The following ADAMTS16 variants were observed in gnomAD, a reference collection of about 807,000 sequenced individuals.
ADAMTS16 encodes A disintegrin and metalloproteinase with thrombospondin motifs 16.
A neutral mutation model predicts 145.8 loss-of-function variants in ADAMTS16; 94 were observed. The observed-to-expected ratio is 0.64, with a 90% confidence interval of 0.55 to 0.77. The LOEUF (loss-of-function observed/expected upper bound fraction) is 0.77, where lower values mean the gene tolerates loss of function less well. Ranked by LOEUF, ADAMTS16 falls within the 30% of genes least tolerant of loss-of-function variation. The pLI is 0.00. For synonymous variants in ADAMTS16, 659 were observed against 604.3 expected, an observed-to-expected ratio of 1.09 and a Z score of -1.33; for missense variants, 1,585 against 1,591.5, an observed-to-expected ratio of 1.00 and a Z score of 0.07.
At chr5:5,148,314 G>A (rs1227575904) in intron 3 of ADAMTS16, among the ~76,000 whole-genome samples, 9 of 152,218 alleles carry the variant, frequency 5.9e-5, no homozygotes, top group Non-Finnish European at 1.3e-4. Context: ...GCATTTGAAA[G>A]AGCCCTGTTC....
intron 18 of ADAMTS16, among the ~76,000 whole-genome samples, chr5:5,289,204 G>C (rs888500311): frequency 7.2e-5 from 11 of 151,862 alleles, no homozygotes; most frequent in African/African-American, 1.7e-4. Flanking sequence ...ACAGATAATA[G>C]AAAAAAAAGC....
chr5:5,179,517 C>T (rs755850605), intron 3 of ADAMTS16, among the ~76,000 whole-genome samples: 27 of 152,182 alleles, frequency 1.8e-4, no homozygotes, highest in Non-Finnish European at 4.0e-4. Flanking sequence ...ACTGCTTACG[C>T]TTCTCAGTTA....
intron 18 of ADAMTS16, among the ~76,000 whole-genome samples, chr5:5,264,447 A>T (rs1178592606): frequency 6.6e-6 from 1 of 152,210 alleles, no homozygotes; most frequent in Non-Finnish European, 1.5e-5. Context: ...GTAGCTGGCA[A>T]ATTGATCCCA....
chr5:5,162,647 G>A (rs1734770869), intron 3 of ADAMTS16, among the ~76,000 whole-genome samples: 1 of 152,048 alleles, frequency 6.6e-6, no homozygotes, highest in Non-Finnish European at 1.5e-5. Flanking sequence ...AATTCTGGAG[G>A]GCTTCTTTAA....
chr5:5,182,984 G>C (rs534662370), intron 4 of ADAMTS16, among the ~76,000 whole-genome samples: 1 of 152,218 alleles, frequency 6.6e-6, no homozygotes, highest in African/African-American at 2.4e-5. Context: ...TTTCCTGCGT[G>C]GTTGGTTTCT....
chr5:5,230,998 T>C (rs1736903226), intron 11 of ADAMTS16, among the ~76,000 whole-genome samples: 3 of 152,150 alleles, frequency 2.0e-5, no homozygotes, highest in African/African-American at 4.8e-5. Flanking sequence ...GACCAGATGG[T>C]TTTTAAAAAG....
intron 17 of ADAMTS16, 104 bp downstream of exon 17, chr5:5,242,295 C>A: frequency 1.4e-6 from 2 of 1,432,698 alleles, no homozygotes; most frequent in African/African-American, 2.8e-5. Flanking sequence ...CCCGGGGCTT[C>A]TCCCTGCCAG....
chr5:5,264,054 C>T (rs1454885382), intron 18 of ADAMTS16, among the ~76,000 whole-genome samples: 1 of 152,204 alleles, frequency 6.6e-6, no homozygotes, highest in Non-Finnish European at 1.5e-5. Context: ...GTCAGGCCAT[C>T]TCCCCTCTAC....
At chr5:5,284,654 T>G (rs960932513) in intron 18 of ADAMTS16, among the ~76,000 whole-genome samples, 16 of 152,230 alleles carry the variant, frequency 1.1e-4, no homozygotes, top group Admixed American at 2.6e-4. Context: ...TTTTCTCCAC[T>G]TGGTGTCTTC....
chr5:5,294,057 TTG>T (rs1346548857), intron 18 of ADAMTS16, among the ~76,000 whole-genome samples: 2 of 152,152 alleles, frequency 1.3e-5, no homozygotes, highest in African/African-American at 2.4e-5. Flanking sequence ...TATAGTAATG[TTG>T]TGTGTTCATG....
At chr5:5,162,411 C>T (rs1163417302) in intron 3 of ADAMTS16, among the ~76,000 whole-genome samples, 2 of 152,162 alleles carry the variant, frequency 1.3e-5, no homozygotes, top group African/African-American at 2.4e-5. Flanking sequence ...TATGGGATCT[C>T]AGTGTAAAGG....
At position 5,269,380 on chromosome 5, in the gene ADAMTS16, C is replaced by T. The variant is rs1450347985; in HGVS notation, c.2789+6597C>T. ...CTACCCCCAAAATCCCATGTTATCA[C>T]TCTAAAAGTGTGGTCACCCAAGGAT... On this transcript the variant is annotated intron_variant, in intron 18 of 22. Transcript: ENST00000274181. The surrounding 1 kb of genome is among the most constrained non-coding windows in gnomAD (Gnocchi z 4.3). Among the ~76,000 whole-genome samples, 2 of 152,146 alleles carry T rather than the reference C, an allele frequency of 1.3e-5. No homozygotes were observed. Among genetic ancestry groups the T allele is most frequent in the East Asian group, 1.9e-4 (1 of 5,178 alleles).
At chr5:5,265,197 A>G (rs1282966616) in intron 18 of ADAMTS16, among the ~76,000 whole-genome samples, 1 of 152,260 alleles carries the variant, frequency 6.6e-6, no homozygotes, top group African/African-American at 2.4e-5. Flanking sequence ...AGTTGTGTCA[A>G]AGACAAACAA....
chr5:5,208,122 A>T (rs565165105), intron 9 of ADAMTS16, among the ~76,000 whole-genome samples: 1 of 152,312 alleles, frequency 6.6e-6, no homozygotes, highest in Admixed American at 6.5e-5. Context: ...AATCTCTGGT[A>T]TAATTCACAG....
chr5:5,306,420 G>A, intron 20 of ADAMTS16, 84 bp from the exon 21 acceptor site: 3 of 1,161,452 alleles, frequency 2.6e-6, no homozygotes, highest in Non-Finnish European at 3.7e-6. Flanking sequence ...AAATGTTCAA[G>A]CAGATATCTC....
chr5:5,145,655 A>C (rs189053816), intron 2 of ADAMTS16, among the ~76,000 whole-genome samples: 5 of 152,396 alleles, frequency 3.3e-5, no homozygotes, highest in Admixed American at 3.3e-4. Flanking sequence ...TTCAAAATAA[A>C]GGTCATAAGA....
intron 9 of ADAMTS16, among the ~76,000 whole-genome samples, chr5:5,208,414 G>A (rs191323673): frequency 1.3e-5 from 2 of 152,186 alleles, no homozygotes; most frequent in Admixed American, 1.3e-4. Context: ...TTTCCCAAAT[G>A]CATAAATTAT....
chr5:5,214,402 C>T lies in ADAMTS16; in HGVS notation c.1605+5156C>T, dbSNP rs115945240. On this transcript the variant is annotated intron_variant, in intron 10 of 22. Transcript: ENST00000274181. Reference sequence around the variant, plus strand: ...ACAAACTTTATGTATTTTCTTTTTTCTTTTATTTACTTATTTATGTTTTGA... The same window carrying T: ...ACAAACTTTATGTATTTTCTTTTTTTTTTTATTTACTTATTTATGTTTTGA... Among the ~76,000 whole-genome samples the T allele has an allele frequency of 5.8e-3, 887 of 151,786 alleles. 3 individuals carry two copies. The highest frequency in any genetic ancestry group is 0.012 in the Admixed American group (184 of 15,222).
In ADAMTS16 at chr5:5,230,419, G is replaced by A. The variant is rs577840140; in HGVS notation, c.1702-1949G>A. On this transcript the variant is annotated intron_variant, in intron 11 of 22. Transcript: ENST00000274181. Reference sequence around the variant, plus strand: ...TTGTAGGTTTCTAGGTATGATAATGGTGTTGTGGTTATGTTTTTTAAAGTT... The same window carrying A: ...TTGTAGGTTTCTAGGTATGATAATGATGTTGTGGTTATGTTTTTTAAAGTT... 3.9e-5 allele frequency among the ~76,000 whole-genome samples: 6 copies of A among 152,308 alleles called. No individual in the cohort carries two copies. The South Asian group carries it at 6.2e-4, about 16-fold the overall frequency.
Sources: gnomAD v4.1 joint callset for allele counts (sites outside exome capture counted in the v4.1 genomes callset) on GRCh38, gnomAD v4.1.1 for gene constraint, Gnocchi (gnomAD v3.1) non-coding constraint, MANE v1.5 for transcripts, NCBI Gene and HGNC (gene_info 2026-07-23, HGNC 2026-07-21) for gene names.